Variants in ATAD2 observed in about 807,000 individuals in gnomAD.
ATAD2 encodes ATPase family AAA domain containing 2, also known as ATPase family AAA domain-containing protein 2.
In ATAD2, 62 loss-of-function variants were observed where a neutral mutation model predicts 168.9. The ratio of observed to expected loss-of-function variants is 0.37; its 90% CI spans 0.30 to 0.45. The LOEUF (loss-of-function observed/expected upper bound fraction) is 0.45. ATAD2 is among the 20% of genes least tolerant of loss of function. The pLI, the probability that ATAD2 is intolerant of heterozygous loss-of-function variation, is 1.00. For synonymous variants in ATAD2, 613 were observed against 571.6 expected, an observed-to-expected ratio of 1.07 and a Z score of -1.03; for missense variants, 1,419 against 1,667.8, an observed-to-expected ratio of 0.85 and a Z score of 2.60.
chr8:123,371,573 A>T, intron 4 of ATAD2, 97 bp downstream of exon 4: 1 of 1,089,646 alleles, frequency 9.2e-7, no homozygotes, highest in East Asian at 2.5e-5. Context: ...ACGTAGTAGA[A>T]TGCATTAAAT....
rs1586890763 is a variant in ATAD2 at position 123,371,228 on chromosome 8, A to G, written c.639+8T>C. On this transcript the variant is annotated splice_region_variant and intron_variant, in intron 5 of 27. Coordinates refer to ENST00000287394, the MANE Select transcript of ATAD2 (RefSeq NM_014109.4). Reference sequence around the variant, plus strand: ...TAAATCATTCCCTTAATGGAAGAATATATTTACTTCTTCTGTTTCATTAAA... The same window carrying G: ...TAAATCATTCCCTTAATGGAAGAATGTATTTACTTCTTCTGTTTCATTAAA... 1 of 1,574,822 alleles carries G rather than the reference A, an allele frequency of 6.3e-7. No individual in the cohort carries two copies. Among genetic ancestry groups the G allele is most frequent in the Non-Finnish European group, 8.7e-7 (1 of 1,154,054 alleles).
chr8:123,341,292 GAA>G (rs1828055178), intron 19 of ATAD2, among the ~76,000 whole-genome samples: 2 of 152,068 alleles, frequency 1.3e-5, no homozygotes, highest in South Asian at 2.1e-4. Flanking sequence ...CCACATTCTC[GAA>G]AAAGTTTCCC....
intron 1 of ATAD2, among the ~76,000 whole-genome samples, chr8:123,382,681 TAA>T (rs1166854348): frequency 6.6e-6 from 1 of 152,128 alleles, no homozygotes; most frequent in African/African-American, 2.4e-5. Context: ...TGGTGATCAT[TAA>T]AAAGTCAAGA....
chr8:123,391,911 G>GTATAAAA (rs950569792), intron 1 of ATAD2, among the ~76,000 whole-genome samples: 3 of 152,178 alleles, frequency 2.0e-5, no homozygotes, highest in African/African-American at 7.2e-5. Flanking sequence ...ACACCTTGAT[G>GTATAAAA]TATAAAAGGG....
At chr8:123,401,208 C>T (rs536414432), upstream of ATAD2, 161 of 914,042 alleles carry the variant, frequency 1.8e-4, no homozygotes, top group African/African-American at 2.1e-3. Context: ...AGCTGCCTAT[C>T]GTCAATGACG....
At chr8:123,369,315 C>A (rs538144313) in intron 7 of ATAD2, 140 bp from the exon 8 acceptor site, 11 of 246,824 alleles carry the variant, frequency 4.5e-5, no homozygotes, top group Non-Finnish European at 7.9e-5. Flanking sequence ...TAAATATCTA[C>A]TATGGAATAT....
intron 1 of ATAD2, among the ~76,000 whole-genome samples, chr8:123,382,522 C>CTA (rs1419949626): frequency 6.6e-6 from 1 of 152,220 alleles, no homozygotes; most frequent in East Asian, 1.9e-4. Flanking sequence ...TAAATGGAAT[C>CTA]TGTTTCCAAA....
At chr8:123,369,332 G>C (rs556477141) in intron 7 of ATAD2, 157 bp from the exon 8 acceptor site, 19 of 236,766 alleles carry the variant, frequency 8.0e-5, no homozygotes, top group Non-Finnish European at 1.4e-4. Flanking sequence ...ATATTTTGCT[G>C]TTCATATTTT....
intron 17 of ATAD2, 98 bp from the exon 18 acceptor site, chr8:123,346,370 G>T: frequency 8.7e-7 from 1 of 1,154,758 alleles, no homozygotes; most frequent in Non-Finnish European, 1.2e-6. Context: ...AAAAAGTCTT[G>T]CCAATAAGGC....
intron 1 of ATAD2, among the ~76,000 whole-genome samples, chr8:123,383,645 T>C (rs977035433): frequency 1.3e-5 from 2 of 152,062 alleles, no homozygotes; most frequent in Non-Finnish European, 2.9e-5. Flanking sequence ...AGGTGGCGCA[T>C]GCCTGTAATC....
chr8:123,331,009 G>A (rs537465842), intron 24 of ATAD2, among the ~76,000 whole-genome samples: 1 of 152,180 alleles, frequency 6.6e-6, no homozygotes, highest in South Asian at 2.1e-4. Context: ...TGCAACCTCT[G>A]CCCCACTGGG....
At chr8:123,377,482 CATTA>C (rs1369264098) in intron 2 of ATAD2, among the ~76,000 whole-genome samples, 1 of 152,084 alleles carries the variant, frequency 6.6e-6, no homozygotes, top group African/African-American at 2.4e-5. Context: ...GGACTTCCAA[CATTA>C]ATTTTTTTGT....
At chr8:123,328,678 A>T in intron 24 of ATAD2, 99 bp from the exon 25 acceptor site, 1 of 1,198,770 alleles carries the variant, frequency 8.3e-7, no homozygotes, top group Non-Finnish European at 1.1e-6. Flanking sequence ...AAATAGTGAG[A>T]AACCACAGTA....
Position 123,359,300 on chromosome 8 carries a change from T to C in ATAD2, c.1303A>G (p.Ile435Val). The C allele has an allele frequency of 6.2e-7, 1 of 1,612,326 alleles. No individual in the cohort carries two copies. The highest frequency in any genetic ancestry group is 1.1e-5 in the South Asian group (1 of 90,462). ...ACCACCATCTCTTTTAGAGCTGCTA[T>C]ATGATTAGACAGGCCACCAACACTA... ...FDSVGGLSNH[I>V]AALKEMVVFP... The change falls in exon 11 of 28, where the codon ATA becomes GTA. Residue 435 changes from isoleucine (I) to valine (V), a missense_variant. Transcript: ENST00000287394.
Position 123,371,785 on chromosome 8 carries a change from T to G in ATAD2, c.421A>C (p.Ser141Arg), listed in dbSNP as rs1444489392. The G allele has an allele frequency of 6.2e-7, 1 of 1,611,846 alleles. No individual in the cohort carries two copies. Among genetic ancestry groups the G allele is most frequent in the Admixed American group, 1.7e-5 (1 of 59,402 alleles). The change falls in exon 4 of 28, where the codon AGT becomes CGT. Residue 141 changes from serine to arginine, a missense_variant. Ser to Arg is a moderately radical substitution (Grantham distance 110). Transcript: ENST00000287394. Reference protein sequence around the residue: ...RSLRARNIVQSTEHLHEDNGD... With the variant: ...RSLRARNIVQRTEHLHEDNGD... ...TTATCTTCATGTAAGTGTTCTGTAC[T>G]TTGAACGATGTTTCTAGCCCTCAAT...
chr8:123,399,068 T>C (rs1812964177), upstream of ATAD2, among the ~76,000 whole-genome samples: 2 of 151,746 alleles, frequency 1.3e-5, no homozygotes, highest in Admixed American at 1.3e-4. Flanking sequence ...TGAGACCATC[T>C]TGGTCAACAT....
rs943357184 is a variant in ATAD2, at chr8:123,361,483, A to G, written c.1157+56T>C. 4.2e-6 allele frequency: 6 copies of G among 1,427,910 alleles called. No homozygotes were observed. In the African/African-American group the frequency reaches 7.0e-5, roughly 17 times the overall value. 88.5% of individuals were successfully genotyped at this position (1,427,910 alleles called of 1,614,324 possible). On this transcript the variant is annotated intron_variant, in intron 9 of 27. Coordinates refer to ENST00000287394, the MANE Select transcript of ATAD2 (RefSeq NM_014109.4). ...TATACCCAAATTATTCTGTTTTCTTAGCAATTTTTACAAAATGTGTCTGCT... is the reference window on the plus strand; with the variant it reads ...TATACCCAAATTATTCTGTTTTCTTGGCAATTTTTACAAAATGTGTCTGCT...
chr8:123,400,742 C>T (rs1384943465), upstream of ATAD2: 15 of 768,454 alleles, frequency 2.0e-5, no homozygotes, highest in African/African-American at 8.5e-5. The surrounding 1 kb of genome is among the most constrained non-coding windows in gnomAD (Gnocchi z 4.5). Flanking sequence ...TCAGCCCTTA[C>T]CTGGAAGATC....
chr8:123,329,051 T>TC (rs897459561), intron 24 of ATAD2, among the ~76,000 whole-genome samples: 7 of 152,104 alleles, frequency 4.6e-5, no homozygotes, highest in African/African-American at 7.2e-5. Context: ...TCCGCCCGCC[T>TC]CGGCCTCCCA....
Sources: gnomAD v4.1 joint callset for allele counts (sites outside exome capture counted in the v4.1 genomes callset) on GRCh38, gnomAD v4.1.1 for gene constraint, Gnocchi (gnomAD v3.1) non-coding constraint, MANE v1.5 for transcripts, NCBI Gene and HGNC (gene_info 2026-07-23, HGNC 2026-07-21) for gene names.